JMY: variants seen among roughly 807,000 people sequenced by gnomAD.
JMY encodes the protein junction mediating and regulatory protein, p53 cofactor.
In JMY, 46 loss-of-function variants were observed where a neutral mutation model predicts 103.3. That is an observed-to-expected ratio of 0.45 (90% CI 0.35 to 0.57). The LOEUF is 0.57. Among genes scored for constraint, JMY ranks in the 20% least tolerant of loss-of-function variants. The pLI is 0.00. For missense variants in JMY, 1,238 were observed against 1,255.2 expected, an observed-to-expected ratio of 0.99 and a Z score of 0.21; for synonymous variants, 526 against 489.3, an observed-to-expected ratio of 1.07 and a Z score of -0.99.
intron 10 of JMY, among the ~76,000 whole-genome samples, chr5:79,319,371 C>T (rs1747362437): frequency 6.6e-6 from 1 of 152,144 alleles, no homozygotes; most frequent in African/African-American, 2.4e-5. Context: ...TGGAAGTTTG[C>T]AGTCTCCCTT....
At chr5:79,274,269 C>T (rs1234987812) in intron 1 of JMY, among the ~76,000 whole-genome samples, 2 of 151,890 alleles carry the variant, frequency 1.3e-5, no homozygotes, top group African/African-American at 4.8e-5. Flanking sequence ...CCTGTTTATT[C>T]TTGTTGAGTG....
Position 79,237,088 on chromosome 5 carries a change from C to T in JMY, c.438C>T (p.Ala146=). 6.5e-7 allele frequency: 1 copy of T among 1,547,012 alleles called. No homozygotes were observed. The highest frequency in any genetic ancestry group is 8.7e-7 in the Non-Finnish European group (1 of 1,144,758). ...AESRLRSPVR[A]KPIPGQKTSE... ...GTCGTCTTAGGAGCCCAGTGCGGGC[C>T]AAACCCATCCCGGGTCAGAAAACAT... The change falls in exon 1 of 11, where the codon GCC becomes GCT. Residue 146 remains alanine (A), a synonymous_variant. Coordinates refer to ENST00000396137, the MANE Select transcript of JMY (RefSeq NM_152405.5).
intron 1 of JMY, 109 bp from the exon 2 acceptor site, chr5:79,277,798 GCTT>G: frequency 2.5e-6 from 2 of 812,052 alleles, no homozygotes; most frequent in Non-Finnish European, 3.7e-6. Context: ...ATTCCCTCTT[GCTT>G]CTGTGTTTTA....
At chr5:79,284,889 C>T (rs1336544607) in intron 2 of JMY, 19 of 1,561,780 alleles carry the variant, frequency 1.2e-5, no homozygotes, top group Admixed American at 1.0e-4. Flanking sequence ...TGCTGCCTTT[C>T]GTAAGGTGCT....
intron 1 of JMY, among the ~76,000 whole-genome samples, chr5:79,256,917 G>T (rs941561707): frequency 6.6e-6 from 1 of 151,814 alleles, no homozygotes; most frequent in Non-Finnish European, 1.5e-5. Flanking sequence ...TGAGCCACCA[G>T]GCCCAGCCAT....
chr5:79,299,280 A>G (rs917755603), intron 4 of JMY, among the ~76,000 whole-genome samples: 3 of 152,216 alleles, frequency 2.0e-5, no homozygotes, highest in Admixed American at 2.0e-4. Context: ...GTCTCACTCT[A>G]GAGAACTATG....
In JMY at chr5:79,236,868, C is replaced by G; in HGVS notation, c.218C>G (p.Ala73Gly). The part of the protein sequence containing the change: ...GARGGAEAGG[A>G]ASDGSRGPGS... ...CGAGGGGGCGCCGAGGCCGGCGGAG[C>G]TGCGTCCGACGGGAGCCGCGGGCCC... The change falls in exon 1 of 11, where the codon GCT becomes GGT. Residue 73 changes from alanine (A) to glycine (G), a missense_variant. Transcript: ENST00000396137. 1 of 1,427,462 alleles carries G rather than the reference C, an allele frequency of 7.0e-7. No individual in the cohort carries two copies. Among genetic ancestry groups the G allele is most frequent in the South Asian group, 1.5e-5 (1 of 64,622 alleles). The allele number at this position is 1,427,462 out of a possible 1,614,324, so 88.4% of individuals were successfully genotyped here.
Position 79,316,247 on chromosome 5 carries a change from A to C in JMY, c.2907A>C (p.Glu969Asp), listed in dbSNP as rs1747214712. Residue 969 changes from glutamate (E) to aspartate (D), a missense_variant, in exon 10 of 11, where the codon GAA (glutamate) becomes GAC (aspartate). Transcript: ENST00000396137. ...SIHEALRRIK[E>D]ASPESEDEEE... The stretch of plus-strand genomic sequence containing the variant: ...ATGAAGCTCTTAGAAGAATTAAAGA[A>C]GCATCCCCAGAGTCAGAGGACGAAG... 1 of 1,613,930 alleles carries C rather than the reference A, an allele frequency of 6.2e-7. No individual in the cohort carries two copies. Among genetic ancestry groups the C allele is most frequent in the Non-Finnish European group, 8.5e-7 (1 of 1,179,974 alleles).
At chr5:79,307,465 T>C (rs2112113335) in intron 7 of JMY, among the ~76,000 whole-genome samples, 1 of 152,038 alleles carries the variant, frequency 6.6e-6, no homozygotes, top group Admixed American at 6.6e-5. Flanking sequence ...AGTGGTATCT[T>C]TTGGTGTGTG....
chr5:79,277,938 G>A lies in JMY; in HGVS notation c.1061G>A (p.Ser354Asn). Residue 354 changes from serine (S) to asparagine (N), a missense_variant, in exon 2 of 11, where the codon AGC (serine) becomes AAC (asparagine). By Grantham distance (46) the Ser-to-Asn change is conservative (BLOSUM62 1). Coordinates refer to ENST00000396137, the MANE Select transcript of JMY (RefSeq NM_152405.5). ...ELLDKHKNTE[S>N]MVELLDLYQM... The stretch of plus-strand genomic sequence containing the variant: ...TTGGATAAGCACAAGAATACAGAGA[G>A]CATGGTGGAGCTTCTGGACTTGTAT... 1 of 1,613,940 alleles carries A rather than the reference G, an allele frequency of 6.2e-7. No individual in the cohort carries two copies. Among genetic ancestry groups the A allele is most frequent in the South Asian group, 1.1e-5 (1 of 91,010 alleles).
Position 79,300,669 on chromosome 5 carries a change from G to A in JMY, c.1694-7G>A, listed in dbSNP as rs1452983294. 5 of 1,582,596 alleles carry A rather than the reference G, an allele frequency of 3.2e-6. No homozygotes were observed. Among genetic ancestry groups the A allele is most frequent in the Non-Finnish European group, 4.3e-6 (5 of 1,170,422 alleles). On this transcript the variant is annotated splice_region_variant and splice_polypyrimidine_tract_variant and intron_variant, in intron 5 of 10. Transcript: ENST00000396137. ...TACCACTACTCTTTTTTGCTGTTCT[G>A]TAACAGAAAAAAGAGATGAAGTGGT...
chr5:79,286,640 A>T (rs75518185), intron 2 of JMY, among the ~76,000 whole-genome samples: 17 of 137,346 alleles, frequency 1.2e-4, no homozygotes, highest in Admixed American at 7.1e-4. Context: ...AAGACTCCAT[A>T]AAAAAAAAAA....
At chr5:79,251,725 T>G (rs1199509283) in intron 1 of JMY, among the ~76,000 whole-genome samples, 1 of 151,886 alleles carries the variant, frequency 6.6e-6, no homozygotes, top group Admixed American at 6.6e-5. Context: ...TCTATTTCAA[T>G]TGTCTATTTC....
At position 79,322,084 on chromosome 5, in the gene JMY, C is replaced by T. The variant is rs1747471431; in HGVS notation, c.*482C>T. 6.6e-6 allele frequency: 1 copy of T among 152,174 alleles called. No homozygotes were observed. Among genetic ancestry groups the T allele is most frequent in the African/African-American group, 2.4e-5 (1 of 41,426 alleles). The allele number at this position is 152,174 out of a possible 1,614,324, so 9.4% of individuals were successfully genotyped here. A position where few individuals can be genotyped will look rare whatever the true frequency, so the allele number is the denominator to read the frequency against. ...GTGACACTCTGAGAAAGTTTATCATCATGATAGCTGTAAGTCAGGCATTAA... is the reference window on the plus strand; with the variant it reads ...GTGACACTCTGAGAAAGTTTATCATTATGATAGCTGTAAGTCAGGCATTAA... On this transcript the variant is annotated 3_prime_UTR_variant, in exon 11 of 11. Transcript: ENST00000396137.
chr5:79,253,592 G>T (rs1745154617), intron 1 of JMY, among the ~76,000 whole-genome samples: 1 of 152,120 alleles, frequency 6.6e-6, no homozygotes, highest in African/African-American at 2.4e-5. Flanking sequence ...GCCCAGCCTG[G>T]TTCATCATTT....
At chr5:79,270,832 G>A (rs1202955749) in intron 1 of JMY, among the ~76,000 whole-genome samples, 2 of 151,282 alleles carry the variant, frequency 1.3e-5, no homozygotes, top group Admixed American at 6.6e-5. Flanking sequence ...GTTTTATCAT[G>A]AATTGAGTGT....
intron 1 of JMY, among the ~76,000 whole-genome samples, chr5:79,276,737 G>C (rs984192761): frequency 5.3e-5 from 8 of 152,078 alleles, no homozygotes; most frequent in Non-Finnish European, 7.4e-5. Flanking sequence ...CTCCCGAGTG[G>C]CTGGGACTAC....
intron 2 of JMY, among the ~76,000 whole-genome samples, chr5:79,285,471 CTG>C (rs142299338): frequency 5.6e-3 from 856 of 152,284 alleles, no homozygotes; most frequent in Non-Finnish European, 0.01. Flanking sequence ...CGCATGCACA[CTG>C]TGAACTAGGT....
At chr5:79,300,949 G>A in intron 6 of JMY, 86 bp downstream of exon 6, 1 of 1,139,262 alleles carries the variant, frequency 8.8e-7, no homozygotes, top group Non-Finnish European at 1.2e-6. Flanking sequence ...ACTTGCTTAT[G>A]TTTTAAAACT....
Sources: gnomAD v4.1 joint callset for allele counts (sites outside exome capture counted in the v4.1 genomes callset) on GRCh38, gnomAD v4.1.1 for gene constraint, MANE v1.5 for transcripts, NCBI Gene and HGNC (gene_info 2026-07-23, HGNC 2026-07-21) for gene names.